ZMIZ1: variants seen among roughly 807,000 people sequenced by gnomAD.
ZMIZ1 encodes the protein zinc finger MIZ domain-containing protein 1.
ZMIZ1 carries 17 observed loss-of-function variants against 113.9 expected under a neutral mutation model. That is an observed-to-expected ratio of 0.15 (90% CI 0.10 to 0.22). The LOEUF is 0.22. ZMIZ1 is among the 10% of genes least tolerant of loss of function. ZMIZ1 has a pLI of 1.00. For missense variants in ZMIZ1, 1,059 were observed against 1,477.8 expected (o/e 0.72, Z 4.65); for synonymous variants, 607 against 603.1 (o/e 1.01, Z -0.09).
chr10:79,128,238 C>T (rs1844600957), intron 2 of ZMIZ1, among the ~76,000 whole-genome samples: 1 of 152,176 alleles, frequency 6.6e-6, no homozygotes, highest in Non-Finnish European at 1.5e-5. Context: ...CAGAGTTTCC[C>T]CTGCTCTAAG....
At chr10:79,242,932 C>G (rs960672490) in intron 7 of ZMIZ1, among the ~76,000 whole-genome samples, 4 of 151,826 alleles carry the variant, frequency 2.6e-5, no homozygotes, top group African/African-American at 9.7e-5. Flanking sequence ...CGCGCTCCCT[C>G]GCAGCGAAGT....
intron 7 of ZMIZ1, among the ~76,000 whole-genome samples, chr10:79,264,973 C>G (rs879875883): frequency 1.3e-5 from 2 of 152,132 alleles, no homozygotes; most frequent in African/African-American, 4.8e-5. Context: ...TTTAGTCTGG[C>G]GTCTTATCCT....
At chr10:79,112,636 C>T (rs1229294038) in intron 1 of ZMIZ1, among the ~76,000 whole-genome samples, 2 of 152,166 alleles carry the variant, frequency 1.3e-5, no homozygotes, top group African/African-American at 4.8e-5. Context: ...TGGCAGAGCC[C>T]AGGCAGAACT....
At chr10:79,113,985 G>T (rs931161889) in intron 1 of ZMIZ1, among the ~76,000 whole-genome samples, 10 of 152,204 alleles carry the variant, frequency 6.6e-5, no homozygotes, top group Admixed American at 5.9e-4. Context: ...CTTTGTTAAT[G>T]GTGTGGTGAA....
chr10:79,298,677 T>G, intron 15 of ZMIZ1, 97 bp downstream of exon 15: 1 of 1,173,118 alleles, frequency 8.5e-7, no homozygotes, highest in East Asian at 2.6e-5. Flanking sequence ...GGAGTGGGCA[T>G]CAGAAGGGGC....
At chr10:79,227,878 C>G (rs1167335560) in intron 7 of ZMIZ1, among the ~76,000 whole-genome samples, 1 of 152,188 alleles carries the variant, frequency 6.6e-6, no homozygotes, top group East Asian at 1.9e-4. Flanking sequence ...ATGCATCCCC[C>G]CTTTCCCCAA....
intron 7 of ZMIZ1, among the ~76,000 whole-genome samples, chr10:79,267,223 C>T (rs1463761497): frequency 6.6e-6 from 1 of 152,152 alleles, no homozygotes; most frequent in Non-Finnish European, 1.5e-5. Context: ...GCACCCAGTC[C>T]AGTAGGGAAG....
intron 5 of ZMIZ1, among the ~76,000 whole-genome samples, chr10:79,202,472 CAA>C (rs1275018263): frequency 1.3e-5 from 2 of 152,066 alleles, no homozygotes; most frequent in African/African-American, 2.4e-5. Flanking sequence ...AGCCACAAGA[CAA>C]GAGGTCCTAG....
chr10:79,206,547 C>T (rs1848323351), intron 5 of ZMIZ1, among the ~76,000 whole-genome samples: 1 of 152,248 alleles, frequency 6.6e-6, no homozygotes, highest in Admixed American at 6.5e-5. Context: ...GAGGACCCGC[C>T]GCTGCCCTCT....
chr10:79,109,970 A>G (rs902975979), intron 1 of ZMIZ1, among the ~76,000 whole-genome samples: 1 of 152,240 alleles, frequency 6.6e-6, no homozygotes, highest in Non-Finnish European at 1.5e-5. Flanking sequence ...AGGTCAGATG[A>G]GAAAAAGGTT....
chr10:79,160,876 G>A (rs1349701527), intron 3 of ZMIZ1, among the ~76,000 whole-genome samples: 2 of 152,236 alleles, frequency 1.3e-5, no homozygotes, highest in Admixed American at 6.5e-5. Flanking sequence ...GTTTTTAGAG[G>A]TGGGCACTCC....
chr10:79,144,053 G>A (rs1398429551), intron 3 of ZMIZ1, among the ~76,000 whole-genome samples: 4 of 152,228 alleles, frequency 2.6e-5, no homozygotes, highest in South Asian at 2.1e-4. Flanking sequence ...GCATGGCTCC[G>A]TGGCAGAGCG....
chr10:79,177,664 A>G (rs1484164193), intron 4 of ZMIZ1, among the ~76,000 whole-genome samples: 1 of 152,260 alleles, frequency 6.6e-6, no homozygotes, highest in Non-Finnish European at 1.5e-5. Context: ...GTGCCTAAGC[A>G]CAGATGCTGC....
In ZMIZ1 at chr10:79,168,227, C is replaced by T. The variant is rs370352676; in HGVS notation, c.-50+6094C>T. 7.9e-5 allele frequency among the ~76,000 whole-genome samples: 12 copies of T among 152,336 alleles called. 1 individual carries two copies. In the East Asian group the frequency reaches 1.2e-3, roughly 15 times the overall value. ...CATGGAAGGTTCAGGTGCTCGTCTC[C>T]GTCCACTGCAGACAGGGCTGGTGCC... On this transcript the variant is annotated intron_variant, in intron 4 of 24. Coordinates refer to ENST00000334512, the MANE Select transcript of ZMIZ1 (RefSeq NM_020338.4).
At chr10:79,272,603 C>T (rs779141017) in intron 7 of ZMIZ1, among the ~76,000 whole-genome samples, 20 of 152,232 alleles carry the variant, frequency 1.3e-4, no homozygotes, top group Non-Finnish European at 2.5e-4. Flanking sequence ...GCCTGCTTCA[C>T]CGCAGTACCT....
At chr10:79,091,316 C>T (rs1300490455) in intron 1 of ZMIZ1, among the ~76,000 whole-genome samples, 7 of 152,124 alleles carry the variant, frequency 4.6e-5, no homozygotes, top group South Asian at 2.1e-4. Flanking sequence ...TTTCTAGACT[C>T]GAGCTGTTCT....
chr10:79,153,546 G>A (rs1845786413), intron 3 of ZMIZ1, among the ~76,000 whole-genome samples: 1 of 152,236 alleles, frequency 6.6e-6, no homozygotes, highest in African/African-American at 2.4e-5. Flanking sequence ...CTTCCAGCAG[G>A]TCCCCTGCAG....
At chr10:79,259,176 C>G (rs950775818) in intron 7 of ZMIZ1, among the ~76,000 whole-genome samples, 1 of 152,186 alleles carries the variant, frequency 6.6e-6, no homozygotes, top group Non-Finnish European at 1.5e-5. Context: ...CAAGGCCCTG[C>G]CCGGCTCCTG....
chr10:79,078,909 C>G (rs535227841), intron 1 of ZMIZ1, among the ~76,000 whole-genome samples: 1 of 152,176 alleles, frequency 6.6e-6, no homozygotes, highest in South Asian at 2.1e-4. Flanking sequence ...TTGGGAAACG[C>G]CCGCGTAAAC....
Sources: allele counts gnomAD v4.1 joint callset (sites outside exome capture counted in the v4.1 genomes callset), GRCh38; gene constraint gnomAD v4.1.1; transcripts MANE v1.5; gene names NCBI Gene and HGNC (gene_info 2026-07-23, HGNC 2026-07-21).